FREM3: variants seen among roughly 807,000 people sequenced by gnomAD.
FREM3 encodes the protein FRAS1 related extracellular matrix 3.
In FREM3, 105 loss-of-function variants were observed where a neutral mutation model predicts 129.1. The ratio of observed to expected loss-of-function variants is 0.81; its 90% CI spans 0.69 to 0.96. The LOEUF is 0.96. FREM3 is among the 40% of genes least tolerant of loss of function. FREM3 has a pLI of 0.00. For synonymous variants in FREM3, 1,014 were observed against 1,044.9 expected, an observed-to-expected ratio of 0.97 and a Z score of 0.57; for missense variants, 2,593 against 2,666.3, an observed-to-expected ratio of 0.97 and a Z score of 0.61.
At chr4:143,605,188 TTTCC>T (rs1286301709) in intron 6 of FREM3, among the ~76,000 whole-genome samples, 1 of 152,162 alleles carries the variant, frequency 6.6e-6, no homozygotes, top group Non-Finnish European at 1.5e-5. Flanking sequence ...TCTTTGTATT[TTTCC>T]TTCCTTTTTA....
intron 2 of FREM3, among the ~76,000 whole-genome samples, chr4:143,661,731 G>T (rs1268195016): frequency 1.3e-5 from 2 of 152,088 alleles, no homozygotes; most frequent in East Asian, 1.9e-4. Context: ...GAGTCTTTTT[G>T]GTTGGTAAGC....
intron 6 of FREM3, among the ~76,000 whole-genome samples, chr4:143,596,365 G>A (rs1738484273): frequency 6.6e-6 from 1 of 152,192 alleles, no homozygotes; most frequent in Non-Finnish European, 1.5e-5. Flanking sequence ...CTAGTAGGCA[G>A]TAGTATTAGT....
chr4:143,582,024 C>T (rs977769726), intron 7 of FREM3, among the ~76,000 whole-genome samples: 2 of 151,978 alleles, frequency 1.3e-5, no homozygotes, highest in Non-Finnish European at 2.9e-5. Context: ...GGCAGGCCCT[C>T]CCCAGTGCCC....
At chr4:143,631,926 A>T (rs577630469) in intron 2 of FREM3, among the ~76,000 whole-genome samples, 1 of 152,146 alleles carries the variant, frequency 6.6e-6, no homozygotes, top group Non-Finnish European at 1.5e-5. Context: ...TTGTCAAAAT[A>T]CTTATGTGCA....
intron 2 of FREM3, among the ~76,000 whole-genome samples, chr4:143,686,353 G>A (rs1028745339): frequency 1.3e-5 from 2 of 152,082 alleles, no homozygotes; most frequent in Non-Finnish European, 2.9e-5. Context: ...TAAGGAATGA[G>A]GTAGACAGAA....
intron 2 of FREM3, among the ~76,000 whole-genome samples, chr4:143,661,824 G>A (rs1053810191): frequency 6.6e-6 from 1 of 152,186 alleles, no homozygotes; most frequent in South Asian, 2.1e-4. Flanking sequence ...TTGGGAGGGT[G>A]TATGTGTGAA....
chr4:143,621,455 T>C (rs1738950374), intron 4 of FREM3, among the ~76,000 whole-genome samples: 1 of 152,222 alleles, frequency 6.6e-6, no homozygotes, highest in Non-Finnish European at 1.5e-5. Flanking sequence ...TGAGATCAAA[T>C]TTTAAGTCTT....
In FREM3 at chr4:143,659,199, C is replaced by T. The variant is rs183386268; in HGVS notation, c.5276-31439G>A. On this transcript the variant is annotated intron_variant, in intron 2 of 7. Coordinates refer to ENST00000329798, the MANE Select transcript of FREM3 (RefSeq NM_001168235.2). ...TGCTGGTGTGCTGCACCCATTAACT[C>T]GTCATTTAGCATTAGGTATATCTCC... is the stretch of plus-strand genomic sequence containing the variant. Among the ~76,000 whole-genome samples the T allele has an allele frequency of 3.8e-3, 572 of 151,758 alleles. 14 individuals carry two copies. The highest frequency in any genetic ancestry group is 0.025 in the Admixed American group (386 of 15,200).
At chr4:143,588,873 GTTCCTATTTCTCCAC>G (rs2149834297) in intron 6 of FREM3, among the ~76,000 whole-genome samples, 1 of 150,434 alleles carries the variant, frequency 6.6e-6, no homozygotes, top group Non-Finnish European at 1.5e-5. Context: ...GGGTAAAAGT[GTTCCTATTTCTCCAC>G]ATCCTCTCCA....
In FREM3 at chr4:143,695,625, G is replaced by T; in HGVS notation, c.5051C>A (p.Thr1684Asn). 1.3e-6 allele frequency: 2 copies of T among 1,537,276 alleles called. No homozygotes were observed. The highest frequency in any genetic ancestry group is 1.7e-6 in the Non-Finnish European group (2 of 1,146,916). ...ATCTTCTGCCTTCAGAGACTTGCTG[G>T]TAATCAGGAAGCCCATGTGTCCAGT... ...LHTGHMGFLI[T>N]SKSLKAEDQD... The change falls in exon 1 of 8, where the codon ACC (threonine) becomes AAC (asparagine). Residue 1684 changes from threonine (T) to asparagine (N), a missense_variant. Coordinates refer to ENST00000329798, the MANE Select transcript of FREM3 (RefSeq NM_001168235.2).
At position 143,577,714 on chromosome 4, in the gene FREM3, T is replaced by G. The variant is rs1372441241; in HGVS notation, c.6317A>C (p.Gln2106Pro). Residue 2106 changes from glutamine to proline, a missense_variant, in exon 8 of 8, where the codon CAG (glutamine) becomes CCG (proline). Around this residue, in one of 2 missense-constraint regions of FREM3, gnomAD observed 317 missense variants for 399.0 expected, o/e 0.79. Transcript: ENST00000329798. ...EGPEKFELLL[Q>P]MPMGAVLGEP... Reference sequence around the variant, plus strand: ...TCCAAGCACTGCACCCATAGGCATCTGAAGAAGTAATTCAAACTTCTCTGG... The same window carrying G: ...TCCAAGCACTGCACCCATAGGCATCGGAAGAAGTAATTCAAACTTCTCTGG... 2 of 1,537,332 alleles carry G rather than the reference T, an allele frequency of 1.3e-6. No homozygotes were observed. Among genetic ancestry groups the G allele is most frequent in the Non-Finnish European group, 8.7e-7 (1 of 1,146,916 alleles).
In FREM3 at chr4:143,656,343, A is replaced by G. The variant is rs147495521; in HGVS notation, c.5276-28583T>C. Among the ~76,000 whole-genome samples the G allele has an allele frequency of 7.9e-4, 121 of 152,338 alleles. 1 individual carries two copies. Among genetic ancestry groups the G allele is most frequent in the African/African-American group, 2.7e-3 (114 of 41,580 alleles). On this transcript the variant is annotated intron_variant, in intron 2 of 7. Coordinates refer to ENST00000329798, the MANE Select transcript of FREM3 (RefSeq NM_001168235.2). ...TCCTCCGTGCAAAATTTATATGCAC[A>G]CAGAAACTTGTTTACATGAATGTTC...
chr4:143,680,140 T>C (rs1497617), intron 2 of FREM3, among the ~76,000 whole-genome samples: 10,973 of 151,758 alleles, frequency 0.072, 1,052 homozygotes, highest in African/African-American at 0.21. Context: ...GAAATATTAA[T>C]AAAAACAATT....
chr4:143,666,582 T>C (rs1183999312), intron 2 of FREM3, among the ~76,000 whole-genome samples: 2 of 152,136 alleles, frequency 1.3e-5, no homozygotes, highest in Non-Finnish European at 2.9e-5. Context: ...TGTTAAAACA[T>C]GGATAAACCT....
At chr4:143,670,864 C>A (rs1185991922) in intron 2 of FREM3, among the ~76,000 whole-genome samples, 1 of 151,916 alleles carries the variant, frequency 6.6e-6, no homozygotes, top group Non-Finnish European at 1.5e-5. Context: ...TACATGGAAT[C>A]ACATGATTAA....
chr4:143,677,194 G>T (rs1268904924), intron 2 of FREM3, among the ~76,000 whole-genome samples: 2 of 152,090 alleles, frequency 1.3e-5, no homozygotes, highest in African/African-American at 4.8e-5. Flanking sequence ...CCAAAACAGA[G>T]ATATAGACCA....
intron 2 of FREM3, among the ~76,000 whole-genome samples, chr4:143,692,097 T>C (rs566162323): frequency 5.5e-4 from 83 of 152,238 alleles, no homozygotes; most frequent in Middle Eastern, 3.4e-3. Context: ...TTAAATTAAT[T>C]TTTTTTAAAA....
intron 2 of FREM3, among the ~76,000 whole-genome samples, chr4:143,684,056 G>A (rs1261233849): frequency 6.6e-6 from 1 of 152,054 alleles, no homozygotes; most frequent in East Asian, 1.9e-4. Context: ...CTCACATGAT[G>A]GGCCTTCCCT....
At chr4:143,686,734 C>A (rs1740373170) in intron 2 of FREM3, among the ~76,000 whole-genome samples, 1 of 152,088 alleles carries the variant, frequency 6.6e-6, no homozygotes. Context: ...AGCATTGGGT[C>A]AAAAACAAAA....
Sources: gnomAD v4.1 joint callset for allele counts (sites outside exome capture counted in the v4.1 genomes callset) on GRCh38, gnomAD v4.1.1 for gene constraint, gnomAD v4.1.1 regional missense constraint, MANE v1.5 for transcripts, NCBI Gene and HGNC (gene_info 2026-07-23, HGNC 2026-07-21) for gene names.